Variants in PRKAG2 observed in about 807,000 individuals in gnomAD.
PRKAG2 encodes 5'-AMP-activated protein kinase subunit gamma-2.
Under a neutral mutation model 69.6 loss-of-function variants are expected in PRKAG2, and 26 were observed. The ratio of observed to expected loss-of-function variants is 0.37; its 90% CI spans 0.27 to 0.52. The LOEUF is 0.52. Ranked by LOEUF, PRKAG2 falls within the 20% of genes least tolerant of loss-of-function variation. PRKAG2 has a pLI of 0.90. For synonymous variants in PRKAG2, 293 were observed against 285.0 expected (o/e 1.03, Z -0.28); for missense variants, 557 against 740.0 (o/e 0.75, Z 2.87).
At chr7:151,854,027 TG>T (rs1283863650) in intron 1 of PRKAG2, among the ~76,000 whole-genome samples, 1 of 151,914 alleles carries the variant, frequency 6.6e-6, no homozygotes, top group Non-Finnish European at 1.5e-5. Context: ...GTCCACCCGC[TG>T]GGGACAGCTG....
intron 12 of PRKAG2, 78 bp downstream of exon 12, chr7:151,565,642 C>T: frequency 3.2e-6 from 5 of 1,540,926 alleles, no homozygotes; most frequent in Non-Finnish European, 2.7e-6. Flanking sequence ...CCACGTATCT[C>T]CTGTGCCAGG....
In PRKAG2 at chr7:151,781,048, G is replaced by A; in HGVS notation, c.466+104C>T. The A allele has an allele frequency of 6.7e-7, 1 of 1,502,466 alleles. No individual in the cohort carries two copies. The highest frequency in any genetic ancestry group is 1.1e-5 in the South Asian group (1 of 87,996). The allele number at this position is 1,502,466 out of a possible 1,614,324, so 93.1% of individuals were successfully genotyped here. ...AGATACAGGCACTCAGCACCAAGCT[G>A]CTCACAGCCACCTGGCAGCTTCGGT... On this transcript the variant is annotated intron_variant, in intron 3 of 15. Coordinates refer to ENST00000287878, the MANE Select transcript of PRKAG2 (RefSeq NM_016203.4). This position sits in a 1 kb window ranked among gnomAD's most constrained non-coding sequence, Gnocchi z 6.1.
intron 4 of PRKAG2, among the ~76,000 whole-genome samples, chr7:151,658,482 C>CA (rs11286706): frequency 0.035 from 3,708 of 105,294 alleles, 133 homozygotes; most frequent in African/African-American, 0.083. Context: ...AAGATTGTCG[C>CA]AAAAAAAAAA....
chr7:151,671,051 G>A (rs917986253), intron 4 of PRKAG2, among the ~76,000 whole-genome samples: 15 of 151,860 alleles, frequency 9.9e-5, no homozygotes, highest in African/African-American at 3.4e-4. Flanking sequence ...GTGCATGCCT[G>A]TAGCCCCAGC....
intron 4 of PRKAG2, chr7:151,674,884 G>A (rs1458775798): frequency 6.0e-6 from 1 of 166,824 alleles, no homozygotes; most frequent in South Asian, 1.5e-4. Flanking sequence ...CCTCCTCCTG[G>A]TCATGTCCCA....
chr7:151,720,567 G>T (rs1041666225), intron 3 of PRKAG2, among the ~76,000 whole-genome samples: 33 of 149,592 alleles, frequency 2.2e-4, no homozygotes, highest in African/African-American at 8.2e-4. Context: ...ACAAAGCACC[G>T]TCAAGCTCTA....
intron 1 of PRKAG2, among the ~76,000 whole-genome samples, chr7:151,861,527 C>CAAAAAAAAAAAAAA (rs1563762540): frequency 1.7e-5 from 1 of 60,394 alleles, no homozygotes; most frequent in African/African-American, 6.8e-5. Context: ...GACTCTGTCT[C>CAAAAAAAAAAAAAA]CAAAAAAAAA....
At chr7:151,592,706 C>G (rs1813522666) in intron 6 of PRKAG2, among the ~76,000 whole-genome samples, 1 of 152,212 alleles carries the variant, frequency 6.6e-6, no homozygotes, top group Non-Finnish European at 1.5e-5. Flanking sequence ...TGAATATACT[C>G]TTGACAAACA....
intron 14 of PRKAG2, among the ~76,000 whole-genome samples, chr7:151,563,806 T>C (rs1047548507): frequency 3.3e-5 from 5 of 152,352 alleles, no homozygotes; most frequent in African/African-American, 1.2e-4. Flanking sequence ...GTCAAACATA[T>C]ATAGTTTAAA....
intron 3 of PRKAG2, among the ~76,000 whole-genome samples, chr7:151,689,730 G>A (rs1324075938): frequency 2.0e-5 from 3 of 152,180 alleles, no homozygotes; most frequent in Non-Finnish European, 2.9e-5. Context: ...GGCTCTCCTG[G>A]GGTTCTGTTG....
chr7:151,867,902 G>A (rs1170185416), intron 1 of PRKAG2, among the ~76,000 whole-genome samples: 1 of 152,158 alleles, frequency 6.6e-6, no homozygotes, highest in Non-Finnish European at 1.5e-5. Flanking sequence ...CCCCAGCACA[G>A]TGGAGGTCAC....
chr7:151,773,023 A>AGAGAG (rs1436077847), intron 3 of PRKAG2, among the ~76,000 whole-genome samples: 3 of 55,102 alleles, frequency 5.4e-5, no homozygotes, highest in Admixed American at 1.7e-4. Flanking sequence ...GAAAGAAAGA[A>AGAGAG]AGAGAGAGAG....
intron 5 of PRKAG2, among the ~76,000 whole-genome samples, chr7:151,603,707 A>G (rs190900036): frequency 9.2e-5 from 14 of 152,274 alleles, no homozygotes; most frequent in Non-Finnish European, 8.8e-5. Flanking sequence ...CCTAAAATCA[A>G]CGTGACTCAT....
intron 5 of PRKAG2, among the ~76,000 whole-genome samples, chr7:151,608,826 AT>A (rs67353252): frequency 0.028 from 4,251 of 149,344 alleles, 79 homozygotes; most frequent in Non-Finnish European, 0.038. Flanking sequence ...TTAGACATGG[AT>A]TTTTTTTTTT....
At chr7:151,736,443 AAGG>A in intron 3 of PRKAG2, 1 of 944,422 alleles carries the variant, frequency 1.1e-6, no homozygotes, top group South Asian at 4.6e-5. Flanking sequence ...CAGATAGGCA[AAGG>A]AGGCACAAGC....
chr7:151,674,716 A>G (rs1585673657), intron 4 of PRKAG2, among the ~76,000 whole-genome samples: 1 of 151,484 alleles, frequency 6.6e-6, no homozygotes, highest in Admixed American at 6.6e-5. Flanking sequence ...TGATGATGTC[A>G]TCAGACTCAA....
intron 1 of PRKAG2, among the ~76,000 whole-genome samples, chr7:151,815,472 C>T (rs2078614282): frequency 1.3e-5 from 2 of 152,158 alleles, no homozygotes; most frequent in Non-Finnish European, 2.9e-5. Flanking sequence ...CCCAAATCAC[C>T]CCAGGGCAGG....
chr7:151,697,967 A>G (rs1836976896), intron 3 of PRKAG2, among the ~76,000 whole-genome samples: 1 of 152,196 alleles, frequency 6.6e-6, no homozygotes, highest in East Asian at 1.9e-4. Flanking sequence ...CATTCAGGGG[A>G]CACGGCAGAG....
chr7:151,748,283 G>A (rs1335096162), intron 3 of PRKAG2, among the ~76,000 whole-genome samples: 1 of 152,112 alleles, frequency 6.6e-6, no homozygotes, highest in Non-Finnish European at 1.5e-5. Context: ...ACAATAGATA[G>A]TATATGTAAC....
Sources: gnomAD v4.1 joint callset for allele counts (sites outside exome capture counted in the v4.1 genomes callset) on GRCh38, gnomAD v4.1.1 for gene constraint, Gnocchi (gnomAD v3.1) non-coding constraint, MANE v1.5 for transcripts, NCBI Gene and HGNC (gene_info 2026-07-23, HGNC 2026-07-21) for gene names.